GABRA2: variants seen among roughly 807,000 people sequenced by gnomAD.
GABRA2 encodes the protein gamma-aminobutyric acid type A receptor subunit alpha2, also known as gamma-aminobutyric acid receptor subunit alpha-2.
A neutral mutation model predicts 48.7 loss-of-function variants in GABRA2; 16 were observed. The ratio of observed to expected loss-of-function variants is 0.33; its 90% CI spans 0.22 to 0.50. GABRA2 has a LOEUF of 0.50. GABRA2 is among the 20% of genes least tolerant of loss of function. The pLI is 0.98. For missense variants in GABRA2, 275 were observed against 535.6 expected (o/e 0.51, Z 4.80); for synonymous variants, 185 against 184.5 (o/e 1.00, Z -0.02).
At chr4:46,296,726 T>C (rs555553018) in intron 8 of GABRA2, among the ~76,000 whole-genome samples, 1 of 151,052 alleles carries the variant, frequency 6.6e-6, no homozygotes, top group Non-Finnish European at 1.5e-5. Flanking sequence ...GGATGGGTAG[T>C]AGAAGAAGGT....
At chr4:46,359,180 G>T (rs935441916) in intron 3 of GABRA2, among the ~76,000 whole-genome samples, 18 of 152,138 alleles carry the variant, frequency 1.2e-4, no homozygotes, top group African/African-American at 4.1e-4. Context: ...ATGTTGTAAT[G>T]TCTAATAAAA....
intron 9 of GABRA2, among the ~76,000 whole-genome samples, chr4:46,260,411 A>C (rs1349825055): frequency 6.6e-6 from 1 of 151,914 alleles, no homozygotes; most frequent in Admixed American, 6.6e-5. Flanking sequence ...AGCATTATCA[A>C]TTATTTGTTT....
intron 3 of GABRA2, among the ~76,000 whole-genome samples, chr4:46,346,628 A>G (rs1006099073): frequency 1.3e-5 from 2 of 148,570 alleles, no homozygotes; most frequent in Admixed American, 1.4e-4. Flanking sequence ...TATTATATTT[A>G]TTATATTTAT....
At position 46,273,520 on chromosome 4, in the gene GABRA2, TATATATATATATATATGA is replaced by T. The variant is rs1183210810; in HGVS notation, c.857-11410_857-11393del. ...ATATATGCATATATATATATATATA[TATATATATATATATATGA>T]GAGAGAGAGGGATACGTTTTGGAAA... On this transcript the variant is annotated intron_variant, in intron 8 of 9. Transcript: ENST00000381620. 9.3e-3 allele frequency among the ~76,000 whole-genome samples: 362 copies of T among 38,974 alleles called. 9 individuals are homozygous for T. Among genetic ancestry groups the T allele is most frequent in the African/African-American group, 0.03 (354 of 11,670 alleles). 25.6% of individuals were successfully genotyped at this position (38,974 alleles called of 152,430 possible).
chr4:46,378,100 C>T (rs1207875847), intron 3 of GABRA2, among the ~76,000 whole-genome samples: 12 of 152,190 alleles, frequency 7.9e-5, no homozygotes, highest in African/African-American at 2.9e-4. Context: ...TCTGCCCGGC[C>T]GCCCCTACTG....
intron 8 of GABRA2, among the ~76,000 whole-genome samples, chr4:46,299,377 AAATTTTCCCAT>A (rs1325707651): frequency 4.1e-4 from 62 of 151,870 alleles, no homozygotes; most frequent in Admixed American, 7.2e-4. Context: ...GTTCTTTCTA[AAATTTTCCCAT>A]CAAATGTGGT....
chr4:46,293,166 C>G (rs1723994239), intron 8 of GABRA2, among the ~76,000 whole-genome samples: 1 of 152,048 alleles, frequency 6.6e-6, no homozygotes, highest in African/African-American at 2.4e-5. Flanking sequence ...TTTATATAAG[C>G]AGAAAACTTT....
intron 8 of GABRA2, among the ~76,000 whole-genome samples, chr4:46,270,109 C>G (rs1419659164): frequency 6.6e-6 from 1 of 151,952 alleles, no homozygotes; most frequent in Non-Finnish European, 1.5e-5. Context: ...AGATTTTGGT[C>G]TATTCATTCT....
intron 2 of GABRA2, 35 bp from the exon 3 acceptor site, chr4:46,386,224 A>G: frequency 3.8e-6 from 5 of 1,302,072 alleles, no homozygotes; most frequent in Non-Finnish European, 5.4e-6. Flanking sequence ...ATATATATAC[A>G]TATGTGTGTT....
chr4:46,315,478 C>A (rs1160067133), intron 4 of GABRA2, among the ~76,000 whole-genome samples: 2 of 151,932 alleles, frequency 1.3e-5, no homozygotes, highest in Non-Finnish European at 2.9e-5. Context: ...CCTCACCATG[C>A]AAACTCATGT....
In GABRA2 at chr4:46,245,577, A is replaced by C. The variant is rs1224931119; in HGVS notation, c.*4731T>G. ...AAAATGTGTTCTAGTGTGCAAGTTA[A>C]TTGCTAGTTTAATAAGAGCTGAATT... On this transcript the variant is annotated 3_prime_UTR_variant, in exon 10 of 10. Coordinates refer to ENST00000381620, the MANE Select transcript of GABRA2 (RefSeq NM_000807.4). 6.6e-6 allele frequency among the ~76,000 whole-genome samples: 1 copy of C among 151,400 alleles called. No individual in the cohort carries two copies. Among genetic ancestry groups the C allele is most frequent in the Non-Finnish European group, 1.5e-5 (1 of 67,520 alleles).
chr4:46,306,433 A>G (rs141777277), intron 6 of GABRA2, among the ~76,000 whole-genome samples: 1 of 152,168 alleles, frequency 6.6e-6, no homozygotes, highest in Admixed American at 6.5e-5. Flanking sequence ...AGCAGAAGTA[A>G]GATGACTTCA....
At chr4:46,390,213 CA>C (rs1374673045), upstream of GABRA2, 3,134 of 121,372 alleles carry the variant, frequency 0.026, 57 homozygotes, top group South Asian at 0.043. Flanking sequence ...CCCCCCCCCC[CA>C]CACACACACA....
At position 46,249,680 on chromosome 4, in the gene GABRA2, G is replaced by C. The variant is rs200081434; in HGVS notation, c.*628C>G. 6.6e-6 allele frequency: 1 copy of C among 151,152 alleles called. No homozygotes were observed. Among genetic ancestry groups the C allele is most frequent in the Non-Finnish European group, 1.5e-5 (1 of 67,646 alleles). The allele number at this position is 151,152 out of a possible 1,614,324, so 9.4% of individuals were successfully genotyped here. A position where few individuals can be genotyped will look rare whatever the true frequency, so the allele number is the denominator to read the frequency against. On this transcript the variant is annotated 3_prime_UTR_variant, in exon 10 of 10. Transcript: ENST00000381620. The stretch of plus-strand genomic sequence containing the variant: ...ATGACATTCCAATAGTTATTACATC[G>C]TAGGCATAATTAACATCCTTTCGGG...
chr4:46,305,515 T>C, intron 7 of GABRA2, 53 bp downstream of exon 7: 2 of 1,542,508 alleles, frequency 1.3e-6, no homozygotes, highest in Non-Finnish European at 1.8e-6. Flanking sequence ...CCAAGTCCTT[T>C]AACCTATTAA....
At chr4:46,285,024 C>A (rs1198862752) in intron 8 of GABRA2, among the ~76,000 whole-genome samples, 44 of 89,382 alleles carry the variant, frequency 4.9e-4, no homozygotes, top group Non-Finnish European at 6.9e-5. Flanking sequence ...GCTGCTCACC[C>A]TCAAAAAAAA....
intron 8 of GABRA2, among the ~76,000 whole-genome samples, chr4:46,267,329 A>G (rs1414708589): frequency 1.3e-5 from 2 of 152,030 alleles, no homozygotes; most frequent in Non-Finnish European, 2.9e-5. Context: ...ATATCATTTT[A>G]TTGGTAAAGT....
chr4:46,370,455 G>A (rs1307269490), intron 3 of GABRA2, among the ~76,000 whole-genome samples: 1 of 152,068 alleles, frequency 6.6e-6, no homozygotes, highest in Non-Finnish European at 1.5e-5. Flanking sequence ...TCAAGTGGAG[G>A]TAGATCTATG....
chr4:46,382,687 C>T (rs768292141), intron 3 of GABRA2, among the ~76,000 whole-genome samples: 7 of 152,070 alleles, frequency 4.6e-5, no homozygotes, highest in African/African-American at 7.2e-5. Flanking sequence ...AAATGAATCA[C>T]AATGGACTCT....
Sources: allele counts gnomAD v4.1 joint callset (sites outside exome capture counted in the v4.1 genomes callset), GRCh38; gene constraint gnomAD v4.1.1; transcripts MANE v1.5; gene names NCBI Gene and HGNC (gene_info 2026-07-23, HGNC 2026-07-21).